The following SCN9A variants were observed in gnomAD, a reference collection of about 807,000 sequenced individuals.
SCN9A encodes the protein sodium voltage-gated channel alpha subunit 9.
A neutral mutation model predicts 187.0 loss-of-function variants in SCN9A; 131 were observed. That is an observed-to-expected ratio of 0.70 (90% CI 0.61 to 0.81). The LOEUF is 0.81. SCN9A is among the 30% of genes least tolerant of loss of function. SCN9A has a pLI of 0.00. For missense variants in SCN9A, 2,252 were observed against 2,396.6 expected, an observed-to-expected ratio of 0.94 and a Z score of 1.26; for synonymous variants, 809 against 808.6, an observed-to-expected ratio of 1.00 and a Z score of -0.01.
At chr2:166,368,919 G>A (rs976889671) in intron 1 of SCN9A, among the ~76,000 whole-genome samples, 3 of 149,564 alleles carry the variant, frequency 2.0e-5, no homozygotes, top group Non-Finnish European at 4.4e-5. Context: ...CCTGGGAGGC[G>A]GAAGTTGCAG....
chr2:166,227,819 A>T (rs1227297004), intron 22 of SCN9A, 96 bp from the exon 23 acceptor site: 1 of 698,324 alleles, frequency 1.4e-6, no homozygotes, highest in Non-Finnish European at 2.6e-6. Context: ...CACAATTATT[A>T]AGTAATACTA....
intron 1 of SCN9A, among the ~76,000 whole-genome samples, chr2:166,327,296 G>T (rs925518838): frequency 6.6e-6 from 1 of 152,026 alleles, no homozygotes; most frequent in Non-Finnish European, 1.5e-5. Flanking sequence ...GGGACCACAG[G>T]TGCGTGCCAC....
chr2:166,311,248 TAA>T (rs11340941), intron 2 of SCN9A, among the ~76,000 whole-genome samples: 3 of 115,574 alleles, frequency 2.6e-5, no homozygotes, highest in African/African-American at 6.5e-5. Flanking sequence ...AAAGTATAAT[TAA>T]AAAAAAAAAT....
chr2:166,226,164 G>A (rs1026516107), intron 24 of SCN9A, among the ~76,000 whole-genome samples: 3 of 151,954 alleles, frequency 2.0e-5, no homozygotes, highest in African/African-American at 4.8e-5. Flanking sequence ...CATATCTTAC[G>A]TTGGTCTCCC....
At chr2:166,242,769 AC>A (rs1354506984) in intron 18 of SCN9A, 113 bp from the exon 19 acceptor site, 7 of 664,198 alleles carry the variant, frequency 1.1e-5, no homozygotes, top group South Asian at 5.6e-5. Context: ...AATAATTTCA[AC>A]ACCTATACTT....
At chr2:166,237,958 A>G (rs1237608695) in intron 20 of SCN9A, 136 bp downstream of exon 20, 9 of 577,196 alleles carry the variant, frequency 1.6e-5, no homozygotes, top group African/African-American at 1.9e-5. Flanking sequence ...ATATTTCTAA[A>G]AGAATAAACC....
intron 4 of SCN9A, 125 bp from the exon 5 acceptor site, chr2:166,306,045 T>C: frequency 9.5e-7 from 1 of 1,057,160 alleles, no homozygotes; most frequent in Non-Finnish European, 1.4e-6. Context: ...TGTTGGGTTA[T>C]GGACACACCC....
chr2:166,316,547 T>C (rs1385931407), intron 1 of SCN9A, among the ~76,000 whole-genome samples: 2 of 152,082 alleles, frequency 1.3e-5, no homozygotes, highest in African/African-American at 2.4e-5. Context: ...ACAAAAAAAT[T>C]AGCCAGGCAT....
At position 166,251,768 on chromosome 2, in the gene SCN9A, C is replaced by A. The variant is rs757515468; in HGVS notation, c.3469G>T (p.Asp1157Tyr). Reference protein sequence around the residue: ...NSDEPEACFTDGCVWRFSCCQ... With the variant: ...NSDEPEACFTYGCVWRFSCCQ... Reference sequence around the variant, plus strand: ...AAGGTCTCAATTTTTGTCTTACCATCTGTGAAACAGGCCTCTGGCTCATCG... The same window carrying A: ...AAGGTCTCAATTTTTGTCTTACCATATGTGAAACAGGCCTCTGGCTCATCG... The change falls in exon 18 of 27, where the codon GAT (aspartate) becomes TAT (tyrosine). Residue 1157 changes from aspartate to tyrosine, a missense_variant. Physicochemically the swap from Asp to Tyr is radical, Grantham distance 160. This residue lies in a region of SCN9A where 313 missense variants were observed against 295.3 expected (regional missense o/e 1.06). Transcript: ENST00000642356. The A allele has an allele frequency of 6.2e-7, 1 of 1,612,522 alleles. No individual in the cohort carries two copies. Among genetic ancestry groups the A allele is most frequent in the Admixed American group, 1.7e-5 (1 of 59,838 alleles).
rs1237784724 is a variant in SCN9A at position 166,351,036 on chromosome 2, G to GAC, written c.-51+24659_-51+24660dup. On this transcript the variant is annotated intron_variant, in intron 1 of 26. Coordinates refer to ENST00000642356, the MANE Select transcript of SCN9A (RefSeq NM_001365536.1). ...TGCCTGCTCTCTATATATAAGCACAGACGCACACACAGACATACACACATA... is the reference window on the plus strand; with the variant it reads ...TGCCTGCTCTCTATATATAAGCACAGACACGCACACACAGACATACACACATA... Among the ~76,000 whole-genome samples the GAC allele has an allele frequency of 7.9e-5, 12 of 152,074 alleles. No individual in the cohort carries two copies. In the East Asian group the frequency reaches 1.9e-3, roughly 25 times the overall value.
chr2:166,288,164 C>A (rs1232466454), intron 10 of SCN9A, among the ~76,000 whole-genome samples: 1 of 116,742 alleles, frequency 8.6e-6, no homozygotes. Flanking sequence ...TATAGACATA[C>A]ACACACACAC....
rs1181311061 is a variant in SCN9A, at chr2:166,257,682, G to T, written c.3352-5797C>A. Reference sequence around the variant, plus strand: ...TGGTAAAAAAGTAATAAGAATTTATGAATTCAAAACATATATATGCATATG... The same window carrying T: ...TGGTAAAAAAGTAATAAGAATTTATTAATTCAAAACATATATATGCATATG... On this transcript the variant is annotated intron_variant, in intron 17 of 26. Transcript: ENST00000642356. Among the ~76,000 whole-genome samples, 3 of 151,280 alleles carry T rather than the reference G, an allele frequency of 2.0e-5. No homozygotes were observed. In the East Asian group the frequency reaches 5.8e-4, roughly 29 times the overall value.
intron 1 of SCN9A, among the ~76,000 whole-genome samples, chr2:166,317,213 A>G (rs1467774932): frequency 6.6e-6 from 1 of 151,880 alleles, no homozygotes; most frequent in Non-Finnish European, 1.5e-5. Context: ...TTCTATCCAG[A>G]AGAAAGAAAA....
At chr2:166,306,201 C>T (rs1296806755) in intron 4 of SCN9A, among the ~76,000 whole-genome samples, 1 of 152,028 alleles carries the variant, frequency 6.6e-6, no homozygotes, top group African/African-American at 2.4e-5. Context: ...CAAAAATTCA[C>T]CCAATCATTT....
In SCN9A at chr2:166,235,221, C is replaced by A. The variant is rs534365680; in HGVS notation, c.3802-1759G>T. On this transcript the variant is annotated intron_variant, in intron 20 of 26. Coordinates refer to ENST00000642356, the MANE Select transcript of SCN9A (RefSeq NM_001365536.1). ...TACAGCCCCTAAAATACTAATAGGT[C>A]TGTTCTCCAAGCCACTGTTAAGTGA... Among the ~76,000 whole-genome samples, 4 of 152,244 alleles carry A rather than the reference C, an allele frequency of 2.6e-5. No individual in the cohort carries two copies. The South Asian group carries it at 8.3e-4, about 32-fold the overall frequency.
At chr2:166,336,421 G>A (rs751960880) in intron 1 of SCN9A, among the ~76,000 whole-genome samples, 1 of 152,072 alleles carries the variant, frequency 6.6e-6, no homozygotes, top group African/African-American at 2.4e-5. Flanking sequence ...ATAGATATCG[G>A]ACTCTCCTCC....
intron 16 of SCN9A, among the ~76,000 whole-genome samples, chr2:166,274,697 AAT>A (rs979527745): frequency 2.0e-5 from 3 of 152,132 alleles, no homozygotes; most frequent in South Asian, 2.1e-4. Flanking sequence ...AAAGAATAAT[AAT>A]ATGAGTTAGT....
chr2:166,278,631 T>C (rs1022952156), intron 14 of SCN9A, among the ~76,000 whole-genome samples: 1 of 152,154 alleles, frequency 6.6e-6, no homozygotes, highest in Non-Finnish European at 1.5e-5. Context: ...TTTCAAAGAA[T>C]TTATGTGGGT....
chr2:166,328,727 T>C (rs985566385), intron 1 of SCN9A, among the ~76,000 whole-genome samples: 1 of 152,092 alleles, frequency 6.6e-6, no homozygotes, highest in African/African-American at 2.4e-5. Flanking sequence ...AAAAATGGAC[T>C]CTACAAAGGT....
Sources: gnomAD v4.1 joint callset for allele counts (sites outside exome capture counted in the v4.1 genomes callset) on GRCh38, gnomAD v4.1.1 for gene constraint, gnomAD v4.1.1 regional missense constraint, MANE v1.5 for transcripts, NCBI Gene and HGNC (gene_info 2026-07-23, HGNC 2026-07-21) for gene names.